KCNT2: variants seen among roughly 807,000 people sequenced by gnomAD.
KCNT2 encodes the protein potassium channel subfamily T member 2.
Under a neutral mutation model 153.8 loss-of-function variants are expected in KCNT2, and 67 were observed. The observed-to-expected ratio is 0.44, with a 90% confidence interval of 0.36 to 0.53. The LOEUF (loss-of-function observed/expected upper bound fraction) is 0.53. Among genes scored for constraint, KCNT2 ranks in the 20% least tolerant of loss-of-function variants. KCNT2 has a pLI of 0.00. For missense variants in KCNT2, 975 were observed against 1,354.8 expected (o/e 0.72, Z 4.40); for synonymous variants, 500 against 458.8 (o/e 1.09, Z -1.15).
intron 8 of KCNT2, among the ~76,000 whole-genome samples, chr1:196,439,573 G>A (rs1206394829): frequency 6.6e-6 from 1 of 151,880 alleles, no homozygotes; most frequent in Non-Finnish European, 1.5e-5. Flanking sequence ...GGGGATAAAG[G>A]CAATGGTTAA....
chr1:196,367,339 C>T (rs1425152740), intron 14 of KCNT2, among the ~76,000 whole-genome samples: 4 of 152,064 alleles, frequency 2.6e-5, no homozygotes, highest in African/African-American at 9.7e-5. Flanking sequence ...CAATGACCTT[C>T]GTGGTACTTC....
At chr1:196,341,987 G>A in intron 15 of KCNT2, 92 bp downstream of exon 15, 1 of 1,329,456 alleles carries the variant, frequency 7.5e-7, no homozygotes, top group Non-Finnish European at 1.0e-6. Context: ...CTAAACACAT[G>A]AACACAATAT....
At chr1:196,480,489 C>CT (rs1330221007) in intron 4 of KCNT2, among the ~76,000 whole-genome samples, 2 of 151,942 alleles carry the variant, frequency 1.3e-5, no homozygotes, top group South Asian at 2.1e-4. Flanking sequence ...ATTACTCATG[C>CT]TTTTTTTGTA....
chr1:196,526,054 T>TGA (rs1248784512), intron 1 of KCNT2, among the ~76,000 whole-genome samples: 10 of 149,284 alleles, frequency 6.7e-5, no homozygotes, highest in African/African-American at 2.5e-4. Flanking sequence ...TGTGTGTGTG[T>TGA]GTGAATCAGC....
chr1:196,604,591 T>C (rs1302675643), intron 1 of KCNT2, among the ~76,000 whole-genome samples: 2 of 152,184 alleles, frequency 1.3e-5, no homozygotes, highest in Non-Finnish European at 2.9e-5. Flanking sequence ...TCTGCACTGC[T>C]GTGTCTAACC....
intron 26 of KCNT2, among the ~76,000 whole-genome samples, chr1:196,251,267 G>T (rs553210868): frequency 6.6e-6 from 1 of 151,936 alleles, no homozygotes; most frequent in African/African-American, 2.4e-5. Context: ...GAGTAAAGAC[G>T]CCTTTCTACT....
chr1:196,314,532 G>A (rs1662515185), intron 21 of KCNT2, among the ~76,000 whole-genome samples: 1 of 151,668 alleles, frequency 6.6e-6, no homozygotes, highest in Non-Finnish European at 1.5e-5. Context: ...ACTTTAAAGT[G>A]TGTATTTCTT....
chr1:196,296,170 A>C (rs1660657421), intron 22 of KCNT2, among the ~76,000 whole-genome samples: 1 of 151,968 alleles, frequency 6.6e-6, no homozygotes, highest in Non-Finnish European at 1.5e-5. Flanking sequence ...GATGTATTAA[A>C]GATAAACTGT....
Position 196,305,219 on chromosome 1 carries a change from A to C in KCNT2, c.2595+15T>G. On this transcript the variant is annotated intron_variant, in intron 22 of 27. Coordinates refer to ENST00000294725, the MANE Select transcript of KCNT2 (RefSeq NM_198503.5). Reference sequence around the variant, plus strand: ...GATGGTTAAATCTAATTTACTTGATAATGTGGGGTCTTACCTTTTCCAGTT... The same window carrying C: ...GATGGTTAAATCTAATTTACTTGATCATGTGGGGTCTTACCTTTTCCAGTT... The C allele has an allele frequency of 7.4e-7, 1 of 1,357,342 alleles. No homozygotes were observed. Among genetic ancestry groups the C allele is most frequent in the Non-Finnish European group, 1.1e-6 (1 of 946,516 alleles). 84.1% of individuals were successfully genotyped at this position (1,357,342 alleles called of 1,614,324 possible).
At chr1:196,493,581 T>C (rs1244372990) in intron 1 of KCNT2, among the ~76,000 whole-genome samples, 1 of 152,162 alleles carries the variant, frequency 6.6e-6, no homozygotes, top group African/African-American at 2.4e-5. Flanking sequence ...CTTTAAGTTC[T>C]GAGATACATG....
intron 1 of KCNT2, among the ~76,000 whole-genome samples, chr1:196,541,538 T>C (rs894235537): frequency 6.6e-6 from 1 of 152,142 alleles, no homozygotes; most frequent in African/African-American, 2.4e-5. Flanking sequence ...TCATTGCATA[T>C]TGTCAGAGAA....
intron 14 of KCNT2, among the ~76,000 whole-genome samples, chr1:196,354,378 C>G (rs538230048): frequency 6.6e-6 from 1 of 151,762 alleles, no homozygotes; most frequent in African/African-American, 2.4e-5. Context: ...CCAAAATTGA[C>G]ACAGATTTTC....
At chr1:196,437,502 A>T (rs1291692394) in intron 8 of KCNT2, among the ~76,000 whole-genome samples, 1 of 148,216 alleles carries the variant, frequency 6.7e-6, no homozygotes, top group Non-Finnish European at 1.5e-5. Flanking sequence ...AAACATTTTA[A>T]ATTAAAAATT....
chr1:196,325,954 T>A (rs950906646), intron 19 of KCNT2, among the ~76,000 whole-genome samples: 12 of 152,126 alleles, frequency 7.9e-5, no homozygotes, highest in African/African-American at 2.9e-4. Context: ...TGGCCTCATT[T>A]AGTAATAGTT....
intron 27 of KCNT2, among the ~76,000 whole-genome samples, chr1:196,230,436 C>A (rs549502162): frequency 1.2e-4 from 19 of 152,096 alleles, no homozygotes; most frequent in Admixed American, 1.1e-3. Context: ...CACCTGGTCA[C>A]CCAAGAGCTC....
At chr1:196,586,811 CCT>C (rs1383013102) in intron 1 of KCNT2, among the ~76,000 whole-genome samples, 1 of 152,006 alleles carries the variant, frequency 6.6e-6, no homozygotes, top group African/African-American at 2.4e-5. Flanking sequence ...GTGTTCCTCC[CCT>C]GAGCTCTTAT....
chr1:196,363,202 G>A (rs544735913), intron 14 of KCNT2, among the ~76,000 whole-genome samples: 2 of 151,778 alleles, frequency 1.3e-5, no homozygotes, highest in South Asian at 4.2e-4. Flanking sequence ...TTTATTTTAT[G>A]GGCTAAAACC....
intron 1 of KCNT2, among the ~76,000 whole-genome samples, chr1:196,588,184 T>C (rs1471432478): frequency 6.6e-6 from 1 of 151,932 alleles, no homozygotes; most frequent in Non-Finnish European, 1.5e-5. Context: ...ATGGTATTAG[T>C]AGCATTGGCA....
At chr1:196,605,885 T>C (rs1019769533) in intron 1 of KCNT2, among the ~76,000 whole-genome samples, 1 of 152,202 alleles carries the variant, frequency 6.6e-6, no homozygotes, top group Non-Finnish European at 1.5e-5. Flanking sequence ...ATTATTCTTA[T>C]AAGTTCAAAT....
Sources: allele counts gnomAD v4.1 joint callset (sites outside exome capture counted in the v4.1 genomes callset), GRCh38; gene constraint gnomAD v4.1.1; transcripts MANE v1.5; gene names NCBI Gene and HGNC (gene_info 2026-07-23, HGNC 2026-07-21).